RELN: variants seen among roughly 807,000 people sequenced by gnomAD.
The protein encoded by RELN is reelin.
In RELN, 108 loss-of-function variants were observed where a neutral mutation model predicts 427.6. The ratio of observed to expected loss-of-function variants is 0.25; its 90% confidence interval spans 0.22 to 0.30. The LOEUF (loss-of-function observed/expected upper bound fraction) is 0.30, where lower values mean the gene tolerates loss of function less well. RELN is among the 10% of genes least tolerant of loss of function. The probability of loss-of-function intolerance (pLI) is 1.00; values close to 1 mark genes in which losing one functional copy is unlikely to be tolerated. For missense variants in RELN, 3,715 were observed against 4,302.8 expected, an observed-to-expected ratio of 0.86 and a Z score of 3.82; for synonymous variants, 1,524 against 1,513.4, an observed-to-expected ratio of 1.01 and a Z score of -0.16.
chr7:103,481,277 C>G (rs1295682510), intron 63 of RELN, among the ~76,000 whole-genome samples: 1 of 152,122 alleles, frequency 6.6e-6, no homozygotes, highest in Admixed American at 6.5e-5. Flanking sequence ...AATATCTACT[C>G]AAATGTGTGA....
intron 6 of RELN, 71 bp from the exon 7 acceptor site, chr7:103,728,278 A>T: frequency 7.3e-7 from 1 of 1,360,616 alleles, no homozygotes; most frequent in Non-Finnish European, 1.0e-6. Context: ...TCAGGTAAGA[A>T]ACGATATAAT....
chr7:103,502,372 TAC>T (rs2117037461), intron 52 of RELN, among the ~76,000 whole-genome samples: 1 of 152,380 alleles, frequency 6.6e-6, no homozygotes, highest in Admixed American at 6.5e-5. Flanking sequence ...ATCTGATTAA[TAC>T]AGTCTAGGTG....
intron 3 of RELN, among the ~76,000 whole-genome samples, chr7:103,800,200 C>T (rs559001976): frequency 6.6e-6 from 1 of 152,240 alleles, no homozygotes; most frequent in Admixed American, 6.5e-5. Flanking sequence ...TCAAATTGTC[C>T]CTTTTTGCAG....
chr7:103,676,365 G>A (rs1833524599), intron 11 of RELN, among the ~76,000 whole-genome samples: 1 of 152,106 alleles, frequency 6.6e-6, no homozygotes, highest in South Asian at 2.1e-4. Flanking sequence ...AGTTAGAATG[G>A]CAATCATTAA....
chr7:103,959,711 C>T lies in RELN; in HGVS notation c.226+29420G>A, dbSNP rs116590352. ...CTGCAGCTTAAACCTCCCTAGCTCA[C>T]GTGATCCTCTTGCCTCAGTTTCCCC... On this transcript the variant is annotated intron_variant, in intron 1 of 64. Coordinates refer to ENST00000428762, the MANE Select transcript of RELN (RefSeq NM_005045.4). Among the ~76,000 whole-genome samples, 1,105 of 152,168 alleles carry T rather than the reference C, an allele frequency of 7.3e-3. 16 individuals carry two copies. The highest frequency in any genetic ancestry group is 0.024 in the African/African-American group (1,014 of 41,526).
At chr7:103,738,672 CTTTTTTTTTT>C (rs57390524) in intron 6 of RELN, among the ~76,000 whole-genome samples, 76 of 70,524 alleles carry the variant, frequency 1.1e-3, no homozygotes, top group African/African-American at 4.4e-3. Flanking sequence ...TCCTTCCTTC[CTTTTTTTTTT>C]TTTTTTTTTT....
chr7:103,736,271 C>G (rs758195692), intron 6 of RELN, among the ~76,000 whole-genome samples: 1 of 152,152 alleles, frequency 6.6e-6, no homozygotes, highest in Non-Finnish European at 1.5e-5. Flanking sequence ...ATAAAGAGGG[C>G]ATGACCATTA....
intron 1 of RELN, among the ~76,000 whole-genome samples, chr7:103,962,652 G>T (rs1584404277): frequency 1.7e-5 from 1 of 57,760 alleles, no homozygotes; most frequent in Non-Finnish European, 2.8e-5. Flanking sequence ...GTTGTTGTGT[G>T]TGTGTGTGTG....
intron 31 of RELN, 48 bp from the exon 32 acceptor site, chr7:103,566,807 G>C (rs932902736): frequency 6.4e-7 from 1 of 1,564,870 alleles, no homozygotes; most frequent in Admixed American, 1.7e-5. Context: ...TTCCTAGAGG[G>C]GAAGGAACAG....
chr7:103,805,471 T>A (rs188464171), intron 3 of RELN, among the ~76,000 whole-genome samples: 2 of 145,334 alleles, frequency 1.4e-5, no homozygotes, highest in East Asian at 4.4e-4. Context: ...CATTAAAATT[T>A]GAACTCTGTT....
chr7:103,510,035 TTGG>T (rs1350142896), intron 51 of RELN, among the ~76,000 whole-genome samples: 6 of 152,284 alleles, frequency 3.9e-5, no homozygotes, highest in South Asian at 2.1e-4. Flanking sequence ...TTTTACACTG[TTGG>T]TGGGAGTGTA....
intron 6 of RELN, among the ~76,000 whole-genome samples, chr7:103,742,138 T>C (rs1380235447): frequency 6.6e-6 from 1 of 152,246 alleles, no homozygotes; most frequent in Non-Finnish European, 1.5e-5. Flanking sequence ...CCACCGCTGC[T>C]GATACCCAGG....
rs1584441792 is a variant in RELN at position 103,729,592 on chromosome 7, A to T, written c.657-1385T>A. 2.0e-5 allele frequency among the ~76,000 whole-genome samples: 3 copies of T among 152,152 alleles called. 1 individual carries two copies. Among genetic ancestry groups the T allele is most frequent in the Non-Finnish European group, 4.4e-5 (3 of 68,010 alleles). On this transcript the variant is annotated intron_variant, in intron 6 of 64. Coordinates refer to ENST00000428762, the MANE Select transcript of RELN (RefSeq NM_005045.4). Reference sequence around the variant, plus strand: ...CTCATAGCATCACAATTCTTAGGAGATTCAAATCTTCCCTTGGTTACTGTG... The same window carrying T: ...CTCATAGCATCACAATTCTTAGGAGTTTCAAATCTTCCCTTGGTTACTGTG...
intron 63 of RELN, among the ~76,000 whole-genome samples, chr7:103,479,861 A>G (rs11489601): frequency 0.014 from 2,200 of 152,328 alleles, 61 homozygotes; most frequent in African/African-American, 0.051. Context: ...GATACCATGC[A>G]TGACCATAAT....
intron 1 of RELN, among the ~76,000 whole-genome samples, chr7:103,983,734 C>T (rs1797039829): frequency 6.6e-6 from 1 of 152,104 alleles, no homozygotes; most frequent in African/African-American, 2.4e-5. Flanking sequence ...CAGGCATAGC[C>T]TAAACCACCT....
chr7:103,713,002 C>T (rs1406029220), intron 8 of RELN, among the ~76,000 whole-genome samples: 1 of 152,122 alleles, frequency 6.6e-6, no homozygotes. Flanking sequence ...TTGCTGGGAG[C>T]AGCCTCTTTC....
intron 2 of RELN, among the ~76,000 whole-genome samples, chr7:103,877,697 G>GT (rs1364557059): frequency 1.3e-5 from 2 of 151,850 alleles, no homozygotes; most frequent in East Asian, 1.9e-4. Context: ...TCTGACTCTA[G>GT]TTTTTTTCTC....
rs747794685 is a variant in RELN, at chr7:103,575,659, C to G, written c.4192G>C (p.Val1398Leu). The G allele has an allele frequency of 1.2e-6, 2 of 1,614,086 alleles. No individual in the cohort carries two copies. The highest frequency in any genetic ancestry group is 1.7e-6 in the Non-Finnish European group (2 of 1,179,992). The part of the protein sequence containing the change: ...WIQESSSQKN[V>L]PPFGLDGVYI... ...ACTCCATCTAAACCAAATGGAGGCA[C>G]GTTTTTCTGTGAGCTGCTCTCCTGG... Residue 1398 changes from valine to leucine, a missense_variant, in exon 29 of 65, where the codon GTG (valine) becomes CTG (leucine). Around this residue, in one of 4 missense-constraint regions of RELN, gnomAD observed 2,208 missense variants for 2,361.7 expected, o/e 0.93. Coordinates refer to ENST00000428762, the MANE Select transcript of RELN (RefSeq NM_005045.4).
intron 50 of RELN, chr7:103,513,162 T>C (rs1829470800): frequency 6.6e-6 from 1 of 152,212 alleles, no homozygotes; most frequent in Admixed American, 6.5e-5. Context: ...CATTTTATGC[T>C]AGAACTCTGC....
Sources: allele counts gnomAD v4.1 joint callset (sites outside exome capture counted in the v4.1 genomes callset), GRCh38; gene constraint gnomAD v4.1.1; regional missense constraint gnomAD v4.1.1; transcripts MANE v1.5; gene names NCBI Gene and HGNC (gene_info 2026-07-23, HGNC 2026-07-21).